GRIA3: variants seen among roughly 807,000 people sequenced by gnomAD.
GRIA3 encodes glutamate receptor 3.
GRIA3 carries 3 observed loss-of-function variants against 63.0 expected under a neutral mutation model. The observed-to-expected ratio is 0.05, with a 90% CI of 0.02 to 0.12. GRIA3 has a LOEUF of 0.12. Ranked by LOEUF, GRIA3 falls within the 10% of genes least tolerant of loss-of-function variation. The probability of loss-of-function intolerance (pLI) is 1.00; values close to 1 mark genes in which losing one functional copy is unlikely to be tolerated. For missense variants in GRIA3, 347 were observed against 700.9 expected (o/e 0.50, Z 5.70); for synonymous variants, 274 against 257.9 (o/e 1.06, Z -0.60).
At chrX:123,368,641 A>G (rs73229289) in intron 5 of GRIA3, among the ~76,000 whole-genome samples, 1 of 110,174 alleles carries the variant, frequency 9.1e-6, no homozygotes, top group Non-Finnish European at 1.9e-5. Context: ...TATTACCCCC[A>G]CCCTTTCCCT....
chrX:123,188,043 T>A (rs1927326682), intron 2 of GRIA3, among the ~76,000 whole-genome samples: 1 of 111,021 alleles, frequency 9.0e-6, no homozygotes, highest in Non-Finnish European at 1.9e-5. Context: ...GGAGAAGGAG[T>A]GTGGCTCACT....
rs142042777 is a variant in GRIA3, at chrX:123,392,271, G to A, written c.751-2697G>A. 2.6e-4 allele frequency among the ~76,000 whole-genome samples: 29 copies of A among 111,764 alleles called. No homozygotes were observed. In the East Asian group the frequency reaches 7.7e-3, roughly 29 times the overall value. ...GTGACAGGGTCACTGCCAATGACTC[G>A]TGTTTCGCCCTGGCAGCAGCAGCCA... On this transcript the variant is annotated intron_variant, in intron 5 of 15. Coordinates refer to ENST00000620443, the MANE Select transcript of GRIA3 (RefSeq NM_007325.5).
intron 2 of GRIA3, among the ~76,000 whole-genome samples, chrX:123,252,974 C>G (rs1341514666): frequency 9.0e-6 from 1 of 111,513 alleles, no homozygotes; most frequent in Admixed American, 9.5e-5. Context: ...CTAAGAGGCC[C>G]CTGGGCAGCT....
chrX:123,407,290 C>T (rs1454441538), intron 10 of GRIA3, among the ~76,000 whole-genome samples: 3 of 111,628 alleles, frequency 2.7e-5, no homozygotes, highest in East Asian at 5.6e-4. Context: ...ACTCTTTCTA[C>T]ATGTGAGAAA....
chrX:123,413,172 G>A (rs1354838120), intron 10 of GRIA3, among the ~76,000 whole-genome samples: 1 of 111,083 alleles, frequency 9.0e-6, no homozygotes, highest in Non-Finnish European at 1.9e-5. Context: ...CAATTACCAA[G>A]TAGGGTTTTT....
intron 2 of GRIA3, among the ~76,000 whole-genome samples, chrX:123,189,118 T>C (rs542207941): frequency 1.8e-5 from 2 of 112,165 alleles, no homozygotes; most frequent in South Asian, 7.6e-4. Flanking sequence ...AACTCAGAGA[T>C]GGATTGAAGT....
intron 2 of GRIA3, among the ~76,000 whole-genome samples, chrX:123,221,896 T>A (rs1015800144): frequency 9.0e-6 from 1 of 111,646 alleles, no homozygotes; most frequent in Non-Finnish European, 1.9e-5. Flanking sequence ...AATCACATTC[T>A]CTTTCTCCCA....
At chrX:123,408,884 A>G (rs1384367814) in intron 10 of GRIA3, among the ~76,000 whole-genome samples, 4 of 112,245 alleles carry the variant, frequency 3.6e-5, no homozygotes, top group Non-Finnish European at 7.5e-5. Context: ...ATACATTCTT[A>G]TCATGCTTGG....
intron 5 of GRIA3, among the ~76,000 whole-genome samples, chrX:123,356,242 T>A (rs1603110039): frequency 1.8e-5 from 2 of 110,847 alleles, no homozygotes; most frequent in African/African-American, 6.6e-5. Flanking sequence ...CAGAAAATAT[T>A]TTGCTCTCCT....
intron 2 of GRIA3, among the ~76,000 whole-genome samples, chrX:123,231,935 C>G (rs1375037687): frequency 8.9e-6 from 1 of 111,857 alleles, no homozygotes; most frequent in African/African-American, 3.2e-5. Context: ...AATCACTTCA[C>G]TGATTAAACA....
At chrX:123,266,592 C>T (rs2044490136) in intron 3 of GRIA3, among the ~76,000 whole-genome samples, 1 of 111,154 alleles carries the variant, frequency 9.0e-6, no homozygotes, top group South Asian at 3.8e-4. Flanking sequence ...CACTGATAAA[C>T]AGCAATCTTC....
At chrX:123,190,121 C>T (rs1395053422) in intron 2 of GRIA3, among the ~76,000 whole-genome samples, 6 of 111,538 alleles carry the variant, frequency 5.4e-5, no homozygotes, top group African/African-American at 2.0e-4. Context: ...GGTGTCTGTC[C>T]TTTCCATGTA....
At chrX:123,430,547 T>C (rs1428895895) in intron 12 of GRIA3, among the ~76,000 whole-genome samples, 2 of 111,556 alleles carry the variant, frequency 1.8e-5, no homozygotes, top group Non-Finnish European at 3.8e-5. Flanking sequence ...CGGCAGCCAA[T>C]TGGTCTCCAA....
intron 3 of GRIA3, among the ~76,000 whole-genome samples, chrX:123,260,872 G>A (rs1468383520): frequency 9.0e-6 from 1 of 110,911 alleles, no homozygotes; most frequent in Non-Finnish European, 1.9e-5. Context: ...TCAACTATGA[G>A]AGCATCTTGA....
intron 3 of GRIA3, among the ~76,000 whole-genome samples, chrX:123,274,149 T>A (rs898082313): frequency 8.9e-5 from 10 of 112,638 alleles, no homozygotes; most frequent in Non-Finnish European, 1.7e-4. Context: ...TAACAAATAC[T>A]TTTTAAGTAT....
intron 4 of GRIA3, among the ~76,000 whole-genome samples, chrX:123,347,926 G>T (rs1023091319): frequency 4.5e-5 from 5 of 111,749 alleles, no homozygotes; most frequent in Non-Finnish European, 9.4e-5. Context: ...CCTAAAGATG[G>T]AGAGGTGTGA....
At chrX:123,368,916 A>C (rs137881475) in intron 5 of GRIA3, among the ~76,000 whole-genome samples, 110 of 112,033 alleles carry the variant, frequency 9.8e-4, no homozygotes, top group Non-Finnish European at 1.8e-3. Flanking sequence ...CTCCTGATAG[A>C]GATTGGTGCC....
chrX:123,391,622 T>C (rs1446142553), intron 5 of GRIA3, among the ~76,000 whole-genome samples: 1 of 111,851 alleles, frequency 8.9e-6, no homozygotes, highest in Non-Finnish European at 1.9e-5. Context: ...AGGCTGATTC[T>C]TGGGCCCTCC....
In GRIA3 at chrX:123,250,043, A is replaced by G. The variant is rs955464239; in HGVS notation, c.269-3260A>G. Among the ~76,000 whole-genome samples, 23 of 111,760 alleles carry G rather than the reference A, an allele frequency of 2.1e-4. No homozygotes were observed. The Admixed American group carries it at 2.2e-3, about 11-fold the overall frequency. On this transcript the variant is annotated intron_variant, in intron 2 of 15. Coordinates refer to ENST00000620443, the MANE Select transcript of GRIA3 (RefSeq NM_007325.5). ...CTTTAAAACAAGCAAAAATAATAAT[A>G]TATCGTTTAGGTGTATGTGTTTGTA...
Sources: gnomAD v4.1 joint callset for allele counts (sites outside exome capture counted in the v4.1 genomes callset) on GRCh38, gnomAD v4.1.1 for gene constraint, MANE v1.5 for transcripts, NCBI Gene and HGNC (gene_info 2026-07-23, HGNC 2026-07-21) for gene names.